The following FNBP1L variants were observed in gnomAD, a reference collection of about 807,000 sequenced individuals.
FNBP1L encodes the protein formin binding protein 1 like, also known as formin-binding protein 1-like.
Under a neutral mutation model 91.2 loss-of-function variants are expected in FNBP1L, and 36 were observed. That is an observed-to-expected ratio of 0.39 (90% CI 0.30 to 0.52). The LOEUF is 0.52. Among genes scored for constraint, FNBP1L ranks in the 20% least tolerant of loss-of-function variants. The pLI is 0.66. For synonymous variants in FNBP1L, 242 were observed against 237.0 expected (o/e 1.02, Z -0.19); for missense variants, 571 against 732.1 (o/e 0.78, Z 2.54).
chr1:93,523,308 AAAGT>A (rs1365658552), intron 3 of FNBP1L, 32 bp from the exon 4 acceptor site: 12 of 1,563,466 alleles, frequency 7.7e-6, no homozygotes, highest in East Asian at 2.3e-5. Flanking sequence ...AATGAAAATA[AAAGT>A]AAGTCTCACC....
intron 2 of FNBP1L, among the ~76,000 whole-genome samples, chr1:93,501,418 T>G (rs1377395570): frequency 6.6e-6 from 1 of 152,074 alleles, no homozygotes; most frequent in Non-Finnish European, 1.5e-5. Flanking sequence ...GGTTTTGATG[T>G]GTCAAAGGGG....
intron 1 of FNBP1L, among the ~76,000 whole-genome samples, chr1:93,468,327 A>G (rs1263688940): frequency 6.6e-6 from 1 of 152,134 alleles, no homozygotes; most frequent in Non-Finnish European, 1.5e-5. Flanking sequence ...GTATGCATAT[A>G]CCACATTTTA....
At chr1:93,528,601 A>G (rs550163941) in intron 5 of FNBP1L, among the ~76,000 whole-genome samples, 1 of 152,286 alleles carries the variant, frequency 6.6e-6, no homozygotes, top group East Asian at 1.9e-4. Flanking sequence ...CGGAGAAAGC[A>G]TACAACTAGG....
rs34548312 is a variant in FNBP1L at position 93,497,969 on chromosome 1, TA to T, written c.25-1488del. ...AAAGGCTTTTGTTTGTCAAATATGT[TA>T]AAAAAAAAAACTGTTTAAAAATAAT... On this transcript the variant is annotated intron_variant, in intron 1 of 16. Transcript: ENST00000271234. 1.0e-3 allele frequency among the ~76,000 whole-genome samples: 155 copies of T among 149,418 alleles called. 1 individual carries two copies. The highest frequency in any genetic ancestry group is 2.7e-3 in the African/African-American group (109 of 40,584).
At chr1:93,479,292 C>G (rs1391323481) in intron 1 of FNBP1L, among the ~76,000 whole-genome samples, 2 of 152,184 alleles carry the variant, frequency 1.3e-5, no homozygotes. Context: ...GAACAAAGAT[C>G]ACATGCTTCT....
At chr1:93,533,913 CTT>C (rs1263147344) in intron 8 of FNBP1L, among the ~76,000 whole-genome samples, 2 of 151,960 alleles carry the variant, frequency 1.3e-5, no homozygotes, top group East Asian at 1.9e-4. Context: ...TTAAGGATGA[CTT>C]TTGACTAAAT....
chr1:93,548,464 C>T (rs1672309375), intron 14 of FNBP1L, among the ~76,000 whole-genome samples: 1 of 152,086 alleles, frequency 6.6e-6, no homozygotes, highest in Non-Finnish European at 1.5e-5. Flanking sequence ...ACCAACTTCC[C>T]TGTTACCATG....
intron 10 of FNBP1L, among the ~76,000 whole-genome samples, chr1:93,539,907 T>C (rs1671973650): frequency 6.6e-6 from 1 of 152,194 alleles, no homozygotes; most frequent in African/African-American, 2.4e-5. Context: ...TTCATTCATA[T>C]TTTTAATGTG....
intron 1 of FNBP1L, among the ~76,000 whole-genome samples, chr1:93,495,132 ATAAAT>A (rs1221085083): frequency 2.6e-5 from 4 of 152,192 alleles, no homozygotes; most frequent in African/African-American, 7.2e-5. Flanking sequence ...TGGCAATAAA[ATAAAT>A]TATCTCAGCA....
Position 93,536,435 on chromosome 1 carries a change from A to G in FNBP1L, c.1094A>G (p.Asn365Ser). 6.4e-7 allele frequency: 1 copy of G among 1,550,630 alleles called. No individual in the cohort carries two copies. Among genetic ancestry groups the G allele is most frequent in the Non-Finnish European group, 8.7e-7 (1 of 1,146,388 alleles). Residue 365 changes from asparagine to serine, a missense_variant, in exon 10 of 17, where the codon AAT becomes AGT. Physicochemically the swap from Asn to Ser is conservative, Grantham distance 46 (BLOSUM62 1). Coordinates refer to ENST00000271234, the MANE Select transcript of FNBP1L (RefSeq NM_001164473.3). ...ATTGAGCCCGTGCATTATTGTATGA[A>G]TGAAATAAAAACAGGGAAGCCCAGA... ...FSIEPVHYCM[N>S]EIKTGKPRIP... is the part of the protein sequence containing the mutation.
chr1:93,458,999 G>T (rs1362203653), intron 1 of FNBP1L, among the ~76,000 whole-genome samples: 1 of 152,250 alleles, frequency 6.6e-6, no homozygotes, highest in East Asian at 1.9e-4. Flanking sequence ...TGTGGGCTGA[G>T]CATGGTGGCT....
intron 10 of FNBP1L, among the ~76,000 whole-genome samples, chr1:93,540,417 A>G (rs1370307536): frequency 6.6e-6 from 1 of 152,192 alleles, no homozygotes; most frequent in African/African-American, 2.4e-5. Flanking sequence ...ATACTTGTAT[A>G]TATTAGGAAA....
intron 1 of FNBP1L, among the ~76,000 whole-genome samples, chr1:93,462,411 T>C (rs577589485): frequency 6.2e-4 from 94 of 152,320 alleles, no homozygotes; most frequent in African/African-American, 2.0e-3. Context: ...GTACATTTGT[T>C]ATAACTAATG....
intron 2 of FNBP1L, among the ~76,000 whole-genome samples, chr1:93,516,780 G>A (rs560648417): frequency 6.6e-6 from 1 of 151,974 alleles, no homozygotes; most frequent in African/African-American, 2.4e-5. Flanking sequence ...GCTTAAATTT[G>A]ACTTGTTTAA....
rs944127955 is a variant in FNBP1L, at chr1:93,529,552, T to C, written c.406-100T>C. 74 of 687,252 alleles carry C rather than the reference T, an allele frequency of 1.1e-4. 2 individuals carry two copies. The highest frequency in any genetic ancestry group is 2.7e-4 in the Admixed American group (7 of 26,088). The allele number at this position is 687,252 out of a possible 1,614,324, so 42.6% of individuals were successfully genotyped here. On this transcript the variant is annotated intron_variant, in intron 5 of 16. Transcript: ENST00000271234. ...GTTTGCTGCACCCATCAACCCGTCATCTATGTTAGTTATTTCTCCTAATGC... is the reference window on the plus strand; with the variant it reads ...GTTTGCTGCACCCATCAACCCGTCACCTATGTTAGTTATTTCTCCTAATGC...
chr1:93,458,107 A>T (rs1468491262), intron 1 of FNBP1L, among the ~76,000 whole-genome samples: 1 of 149,892 alleles, frequency 6.7e-6, no homozygotes, highest in African/African-American at 2.5e-5. Flanking sequence ...GGAATTTCTT[A>T]TATTAAGTTT....
At chr1:93,536,594 A>C (rs574782575) in intron 10 of FNBP1L, 104 bp downstream of exon 10, 1 of 1,070,410 alleles carries the variant, frequency 9.3e-7, no homozygotes, top group Admixed American at 3.6e-5. Context: ...ATAAATACAC[A>C]GTTTAAAAAC....
intron 2 of FNBP1L, among the ~76,000 whole-genome samples, chr1:93,503,819 AAGG>A (rs1233966261): frequency 1.3e-5 from 2 of 152,232 alleles, no homozygotes; most frequent in Admixed American, 6.5e-5. Context: ...TAAGTAAAAA[AAGG>A]AGCCATATAT....
rs751794249 is a variant in FNBP1L, at chr1:93,551,113, A to G, written c.1810+8A>G. 4.4e-6 allele frequency: 7 copies of G among 1,600,842 alleles called. No individual in the cohort carries two copies. Among genetic ancestry groups the G allele is most frequent in the Non-Finnish European group, 6.0e-6 (7 of 1,172,990 alleles). ...TAGAGAAAAACAGTAAAGGTGCAGT[A>G]ACTTATATCTAAACTAACCAGGCAC... On this transcript the variant is annotated splice_region_variant and intron_variant, in intron 16 of 16. Transcript: ENST00000271234.
Sources: allele counts gnomAD v4.1 joint callset (sites outside exome capture counted in the v4.1 genomes callset), GRCh38; gene constraint gnomAD v4.1.1; transcripts MANE v1.5; gene names NCBI Gene and HGNC (gene_info 2026-07-23, HGNC 2026-07-21).